The following ERCC6L2 variants were observed in gnomAD, a reference collection of about 807,000 sequenced individuals.
The protein encoded by ERCC6L2 is ERCC excision repair 6 like 2.
A neutral mutation model predicts 132.0 loss-of-function variants in ERCC6L2; 77 were observed. The observed-to-expected ratio is 0.58, with a 90% CI of 0.49 to 0.71. The LOEUF is 0.71. Among genes scored for constraint, ERCC6L2 ranks in the 30% least tolerant of loss-of-function variants. The pLI, the probability that ERCC6L2 is intolerant of heterozygous loss-of-function variation, is 0.00. For synonymous variants in ERCC6L2, 583 were observed against 632.4 expected, an observed-to-expected ratio of 0.92 and a Z score of 1.17; for missense variants, 1,542 against 1,837.6, an observed-to-expected ratio of 0.84 and a Z score of 2.94.
Position 95,972,116 on chromosome 9 carries a change from A to C in ERCC6L2, c.2365A>C (p.Thr789Pro). Residue 789 changes from threonine (T) to proline (P), a missense_variant, in exon 16 of 19, where the codon ACC becomes CCC. Thr to Pro is a conservative substitution (Grantham distance 38, BLOSUM62 -1). This residue lies in a region of ERCC6L2 where 945 missense variants were observed against 1,105.2 expected (regional missense o/e 0.86). Coordinates refer to ENST00000653738, the MANE Select transcript of ERCC6L2 (RefSeq NM_020207.7). ...SKASSSPGQL[T>P]LLQCGFSKLL... ...AGCTTCCAGCTCTCCAGGACAGCTTACCTTACTCCAGTGTGGTTTCTCGAA... is the reference window on the plus strand; with the variant it reads ...AGCTTCCAGCTCTCCAGGACAGCTTCCCTTACTCCAGTGTGGTTTCTCGAA... 1 of 1,304,290 alleles carries C rather than the reference A, an allele frequency of 7.7e-7. No individual in the cohort carries two copies. The allele number at this position is 1,304,290 out of a possible 1,614,324, so 80.8% of individuals were successfully genotyped here. A position where few individuals can be genotyped will look rare whatever the true frequency, so the allele number is the denominator to read the frequency against.
intron 12 of ERCC6L2, among the ~76,000 whole-genome samples, chr9:95,944,775 A>G (rs1374017912): frequency 6.6e-6 from 1 of 152,112 alleles, no homozygotes; most frequent in Non-Finnish European, 1.5e-5. Context: ...GAGACATCAC[A>G]TGTCGGCAGG....
intron 4 of ERCC6L2, among the ~76,000 whole-genome samples, chr9:95,909,715 TG>T (rs1360701177): frequency 6.6e-6 from 1 of 152,240 alleles, no homozygotes; most frequent in Admixed American, 6.5e-5. Context: ...GATGGATTTT[TG>T]GGTTTTTCCA....
chr9:95,973,156 C>T, intron 16 of ERCC6L2, 68 bp downstream of exon 16: 1 of 1,056,348 alleles, frequency 9.5e-7, no homozygotes, highest in Non-Finnish European at 1.2e-6. Context: ...CTGTGAGACG[C>T]TTTGAATTAA....
At chr9:95,966,190 T>C (rs1832145736) in intron 13 of ERCC6L2, among the ~76,000 whole-genome samples, 1 of 152,212 alleles carries the variant, frequency 6.6e-6, no homozygotes, top group African/African-American at 2.4e-5. Context: ...AGTGATGTAG[T>C]AATTACTTCT....
intron 11 of ERCC6L2, among the ~76,000 whole-genome samples, chr9:95,931,945 C>T (rs773359153): frequency 9.2e-5 from 14 of 151,682 alleles, no homozygotes; most frequent in Non-Finnish European, 1.6e-4. Flanking sequence ...CATGCCAGGT[C>T]ATCAGACTTT....
chr9:96,016,170 C>G lies in ERCC6L2; in HGVS notation c.*2967C>G, dbSNP rs1258423425. Among the ~76,000 whole-genome samples, 2 of 152,190 alleles carry G rather than the reference C, an allele frequency of 1.3e-5. No homozygotes were observed. Among genetic ancestry groups the G allele is most frequent in the African/African-American group, 4.8e-5 (2 of 41,444 alleles). On this transcript the variant is annotated 3_prime_UTR_variant, in exon 19 of 19. Transcript: ENST00000653738. The stretch of plus-strand genomic sequence containing the variant: ...CCTTACCTCCTTTTAGCCTTAGTTT[C>G]CCCTTTAAATTGGTGATGGATTAGA...
intron 11 of ERCC6L2, among the ~76,000 whole-genome samples, chr9:95,938,472 G>GT (rs1830657224): frequency 6.6e-6 from 1 of 152,050 alleles, no homozygotes; most frequent in East Asian, 1.9e-4. Flanking sequence ...GCATTTGCCT[G>GT]TTTCTCTTTT....
At chr9:95,886,155 A>C (rs539644533) in intron 2 of ERCC6L2, among the ~76,000 whole-genome samples, 2 of 152,120 alleles carry the variant, frequency 1.3e-5, no homozygotes. Context: ...AGCTGGGACC[A>C]TAGTTGCTCA....
chr9:96,038,733 A>G (rs1262069145), intron 19 of ERCC6L2: 2 of 397,554 alleles, frequency 5.0e-6, no homozygotes, highest in East Asian at 1.4e-4. Context: ...GTGGTTTTAA[A>G]ATGTGTCTGC....
At chr9:96,020,967 G>T (rs1322174587), downstream of ERCC6L2, 1 of 456,676 alleles carries the variant, frequency 2.2e-6, no homozygotes, top group Admixed American at 2.3e-5. Flanking sequence ...GAGGGCGGAG[G>T]GAACGGCGCA....
At chr9:95,943,812 C>T (rs1045373988) in intron 12 of ERCC6L2, among the ~76,000 whole-genome samples, 2 of 152,128 alleles carry the variant, frequency 1.3e-5, no homozygotes, top group African/African-American at 2.4e-5. Context: ...GGTACAACTT[C>T]ACACACGTTG....
At position 96,017,293 on chromosome 9, in the gene ERCC6L2, C is replaced by A. The variant is rs141576771; in HGVS notation, c.*4090C>A. 1.8e-4 allele frequency among the ~76,000 whole-genome samples: 27 copies of A among 152,216 alleles called. No individual in the cohort carries two copies. The highest frequency in any genetic ancestry group is 6.3e-4 in the African/African-American group (26 of 41,542). ...AGGAGGGAAGAACATCTCACTTTTG[C>A]TTGGCTAAAGGGCCACCCCAGGAGA... On this transcript the variant is annotated 3_prime_UTR_variant, in exon 19 of 19. Coordinates refer to ENST00000653738, the MANE Select transcript of ERCC6L2 (RefSeq NM_020207.7).
rs1587897817 is a variant in ERCC6L2 at position 95,915,705 on chromosome 9, A to C, written c.826A>C (p.Arg276=). 2 of 1,613,742 alleles carry C rather than the reference A, an allele frequency of 1.2e-6. No homozygotes were observed. The highest frequency in any genetic ancestry group is 2.7e-5 in the African/African-American group (2 of 74,940). ...AGCTGTCATTGTGGATGAAGCTCAT[A>C]GAATCAAGAATCCAAAAGCTAGAGT... The part of the protein sequence containing the change: ...WSAVIVDEAH[R]IKNPKARVTE... The change falls in exon 5 of 19, where the codon AGA becomes CGA. Residue 276 remains arginine (R), a synonymous_variant. Transcript: ENST00000653738.
At chr9:95,883,449 T>C (rs1564191645) in intron 2 of ERCC6L2, among the ~76,000 whole-genome samples, 1 of 152,148 alleles carries the variant, frequency 6.6e-6, no homozygotes. Flanking sequence ...TAGAGGAAAA[T>C]TAATAAATTA....
At chr9:96,032,775 C>G (rs932174124) in intron 19 of ERCC6L2, among the ~76,000 whole-genome samples, 1 of 152,240 alleles carries the variant, frequency 6.6e-6, no homozygotes, top group African/African-American at 2.4e-5. Context: ...CCTCTACAAA[C>G]CCCACCTAGC....
chr9:95,899,600 A>ATGTGTGTG (rs56991965), intron 3 of ERCC6L2, among the ~76,000 whole-genome samples: 4,738 of 134,740 alleles, frequency 0.035, 99 homozygotes, highest in Admixed American at 0.07. Context: ...TTATATATAT[A>ATGTGTGTG]TGTGTGTGTG....
chr9:96,037,162 T>C (rs1190419532), intron 19 of ERCC6L2, among the ~76,000 whole-genome samples: 1 of 152,226 alleles, frequency 6.6e-6, no homozygotes, highest in Non-Finnish European at 1.5e-5. Flanking sequence ...TACACTTACC[T>C]CACTGCAGAC....
chr9:95,915,883 G>A (rs909795871), intron 5 of ERCC6L2, 54 bp downstream of exon 5: 91 of 1,463,836 alleles, frequency 6.2e-5, no homozygotes, highest in Non-Finnish European at 8.1e-5. Flanking sequence ...GCTGAATACG[G>A]TCTTGTTTGC....
At chr9:95,900,629 T>C (rs1384359701) in intron 3 of ERCC6L2, among the ~76,000 whole-genome samples, 1 of 152,140 alleles carries the variant, frequency 6.6e-6, no homozygotes, top group Non-Finnish European at 1.5e-5. Context: ...ATAACAGCCT[T>C]GATATTTTTT....
Sources: gnomAD v4.1 joint callset for allele counts (sites outside exome capture counted in the v4.1 genomes callset) on GRCh38, gnomAD v4.1.1 for gene constraint, gnomAD v4.1.1 regional missense constraint, MANE v1.5 for transcripts, NCBI Gene and HGNC (gene_info 2026-07-23, HGNC 2026-07-21) for gene names.